KIRREL3: variants seen among roughly 807,000 people sequenced by gnomAD.
KIRREL3 encodes the protein kirre like nephrin family adhesion molecule 3.
Under a neutral mutation model 89.7 loss-of-function variants are expected in KIRREL3, and 36 were observed. That is an observed-to-expected ratio of 0.40 (90% CI 0.31 to 0.53). KIRREL3 has a LOEUF of 0.53. Ranked by LOEUF, KIRREL3 falls within the 20% of genes least tolerant of loss-of-function variation. The pLI is 0.49. For synonymous variants in KIRREL3, 445 were observed against 441.4 expected (o/e 1.01, Z -0.10); for missense variants, 864 against 1,056.6 (o/e 0.82, Z 2.53).
At position 126,526,634 on chromosome 11, in the gene KIRREL3, G is replaced by C. The variant is rs1378138802; in HGVS notation, c.187C>G (p.Gln63Glu). The C allele has an allele frequency of 6.3e-7, 1 of 1,591,450 alleles. No individual in the cohort carries two copies. The highest frequency in any genetic ancestry group is 1.3e-5 in the African/African-American group (1 of 74,552). Residue 63 changes from glutamine to glutamate, a missense_variant, in exon 3 of 17, where the codon CAG becomes GAG. By Grantham distance (29) the Gln-to-Glu change is conservative. Coordinates refer to ENST00000525144, the MANE Select transcript of KIRREL3 (RefSeq NM_032531.4). This position sits in a 1 kb window ranked among gnomAD's most constrained non-coding sequence, Gnocchi z 5.7. ...QPQDQVVVSG[Q>E]PVTLLCAIPE... Reference sequence around the variant, plus strand: ...ATGGCGCAAAGTAGCGTCACTGGCTGTCCCGACACCACCACCTGGTCCTGG... The same window carrying C: ...ATGGCGCAAAGTAGCGTCACTGGCTCTCCCGACACCACCACCTGGTCCTGG...
Position 126,453,286 on chromosome 11 carries a change from G to A in KIRREL3, c.848+3063C>T, listed in dbSNP as rs1360085445. On this transcript the variant is annotated intron_variant, in intron 7 of 16. Transcript: ENST00000525144. The stretch of plus-strand genomic sequence containing the variant: ...GGGGCCACATCCCGCTATCTGCTGG[G>A]GAACACTGAGAGACTCTCAGAGGAA... Among the ~76,000 whole-genome samples, 4 of 152,064 alleles carry A rather than the reference G, an allele frequency of 2.6e-5. No individual in the cohort carries two copies. The South Asian group carries it at 6.2e-4, about 24-fold the overall frequency.
rs1310431843 is a variant in KIRREL3, at chr11:126,455,221, G to A, written c.848+1128C>T. Among the ~76,000 whole-genome samples, 1 of 152,182 alleles carries A rather than the reference G, an allele frequency of 6.6e-6. No individual in the cohort carries two copies. The highest frequency in any genetic ancestry group is 2.4e-5 in the African/African-American group (1 of 41,444). On this transcript the variant is annotated intron_variant, in intron 7 of 16. Transcript: ENST00000525144. The surrounding 1 kb of genome is among the most constrained non-coding windows in gnomAD (Gnocchi z 6.4). ...GTGGAAAGAGACCAGGCTGAGTCAGGGCCATGGCAAGTTCCACGTGGCACC... is the reference window on the plus strand; with the variant it reads ...GTGGAAAGAGACCAGGCTGAGTCAGAGCCATGGCAAGTTCCACGTGGCACC...
In KIRREL3 at chr11:126,912,499, A is replaced by T. The variant is rs975563503; in HGVS notation, c.55+87956T>A. Among the ~76,000 whole-genome samples, 4 of 152,216 alleles carry T rather than the reference A, an allele frequency of 2.6e-5. No individual in the cohort carries two copies. The highest frequency in any genetic ancestry group is 4.4e-5 in the Non-Finnish European group (3 of 68,040). ...CTAAGCACCCCTCACAGTAGGCATC[A>T]ACCAAGAACATATCACACTCACCTA... On this transcript the variant is annotated intron_variant, in intron 1 of 16. Coordinates refer to ENST00000525144, the MANE Select transcript of KIRREL3 (RefSeq NM_032531.4). This position sits in a 1 kb window ranked among gnomAD's most constrained non-coding sequence, Gnocchi z 4.7.
rs1703485110 is a variant in KIRREL3, at chr11:126,891,015, G to A, written c.55+109440C>T. Among the ~76,000 whole-genome samples the A allele has an allele frequency of 6.6e-6, 1 of 152,152 alleles. No individual in the cohort carries two copies. The highest frequency in any genetic ancestry group is 2.1e-4 in the South Asian group (1 of 4,830). On this transcript the variant is annotated intron_variant, in intron 1 of 16. Transcript: ENST00000525144. The surrounding 1 kb of genome is among the most constrained non-coding windows in gnomAD (Gnocchi z 5.1). Reference sequence around the variant, plus strand: ...TTATTTAATGAGGTTTATTGTTTGTGCTTAGTAATTTTCAAAGGCCCATCA... The same window carrying A: ...TTATTTAATGAGGTTTATTGTTTGTACTTAGTAATTTTCAAAGGCCCATCA...
Position 126,972,842 on chromosome 11 carries a change from G to A in KIRREL3, c.55+27613C>T, listed in dbSNP as rs145658690. Among the ~76,000 whole-genome samples the A allele has an allele frequency of 6.4e-4, 97 of 152,074 alleles. 2 individuals carry two copies. The East Asian group carries it at 0.017, about 26-fold the overall frequency. ...ATGGTGCACCTAGCTAAAAACAACT[G>A]CAGAGGAATAAAAAGGAAAAAAAGT... On this transcript the variant is annotated intron_variant, in intron 1 of 16. Transcript: ENST00000525144.
In KIRREL3 at chr11:126,928,568, G is replaced by A. The variant is rs181717604; in HGVS notation, c.55+71887C>T. On this transcript the variant is annotated intron_variant, in intron 1 of 16. Coordinates refer to ENST00000525144, the MANE Select transcript of KIRREL3 (RefSeq NM_032531.4). Reference sequence around the variant, plus strand: ...GGAGGCTGAAGCCTGGGACCCCGACGTGGTGGCGAAAATCAGGGAAAAGGC... The same window carrying A: ...GGAGGCTGAAGCCTGGGACCCCGACATGGTGGCGAAAATCAGGGAAAAGGC... Among the ~76,000 whole-genome samples the A allele has an allele frequency of 1.6e-4, 25 of 152,298 alleles. No homozygotes were observed. In the East Asian group the frequency reaches 4.4e-3, roughly 27 times the overall value.
intron 1 of KIRREL3, among the ~76,000 whole-genome samples, chr11:126,813,653 A>AT (rs372289296): frequency 7.9e-5 from 12 of 152,138 alleles, no homozygotes; most frequent in African/African-American, 2.9e-4. Context: ...AGCACAGATA[A>AT]TTGGTATTGA....
At position 126,803,864 on chromosome 11, in the gene KIRREL3, A is replaced by T. The variant is rs149152137; in HGVS notation, c.55+196591T>A. Among the ~76,000 whole-genome samples the T allele has an allele frequency of 4.5e-3, 679 of 152,376 alleles. 2 individuals are homozygous for T. The highest frequency in any genetic ancestry group is 6.8e-3 in the Non-Finnish European group (466 of 68,032). ...GGGACCTGGGATGCTACTGCCACACATACAACATCTATATCTGTTGCCAAG... is the reference window on the plus strand; with the variant it reads ...GGGACCTGGGATGCTACTGCCACACTTACAACATCTATATCTGTTGCCAAG... On this transcript the variant is annotated intron_variant, in intron 1 of 16. Transcript: ENST00000525144.
chr11:126,451,028 CATGTGTACATGTGT>C (rs1421670386), intron 7 of KIRREL3, among the ~76,000 whole-genome samples: 1 of 136,294 alleles, frequency 7.3e-6, no homozygotes, highest in East Asian at 2.3e-4. Flanking sequence ...TGTCCATGTG[CATGTGTACATGTGT>C]GAGCATGTGC....
In KIRREL3 at chr11:126,918,732, A is replaced by C. The variant is rs907274222; in HGVS notation, c.55+81723T>G. ...ATCAAGGATAGTTCCCCTTTTCAAAATCTTTTCCTGCATTGGATGCCAGGC... is the reference window on the plus strand; with the variant it reads ...ATCAAGGATAGTTCCCCTTTTCAAACTCTTTTCCTGCATTGGATGCCAGGC... On this transcript the variant is annotated intron_variant, in intron 1 of 16. Coordinates refer to ENST00000525144, the MANE Select transcript of KIRREL3 (RefSeq NM_032531.4). This position sits in a 1 kb window ranked among gnomAD's most constrained non-coding sequence, Gnocchi z 6.5. 1.3e-5 allele frequency among the ~76,000 whole-genome samples: 2 copies of C among 152,126 alleles called. No homozygotes were observed. The highest frequency in any genetic ancestry group is 6.5e-5 in the Admixed American group (1 of 15,272).
chr11:126,730,546 G>C (rs533746030), intron 1 of KIRREL3, among the ~76,000 whole-genome samples: 1 of 152,130 alleles, frequency 6.6e-6, no homozygotes, highest in Non-Finnish European at 1.5e-5. Flanking sequence ...CCACCTAGGG[G>C]ACATTTGGCA....
chr11:126,749,200 C>T (rs771196368), intron 1 of KIRREL3, among the ~76,000 whole-genome samples: 13 of 152,172 alleles, frequency 8.5e-5, no homozygotes, highest in Non-Finnish European at 1.8e-4. Context: ...TCCCTCCGTT[C>T]ATTTCGACTG....
intron 1 of KIRREL3, among the ~76,000 whole-genome samples, chr11:126,913,709 C>T (rs920796985): frequency 3.3e-5 from 5 of 152,186 alleles, no homozygotes; most frequent in Non-Finnish European, 7.3e-5. Context: ...TTATCAGAAG[C>T]CCAAAGAATG....
intron 1 of KIRREL3, among the ~76,000 whole-genome samples, chr11:126,784,472 T>C (rs1950421978): frequency 6.6e-6 from 1 of 152,196 alleles, no homozygotes; most frequent in Non-Finnish European, 1.5e-5. Context: ...ATGACTTGGT[T>C]AGAGGCTAGT....
Position 126,527,146 on chromosome 11 carries a change from G to A in KIRREL3, c.134-459C>T, listed in dbSNP as rs1035544582. Among the ~76,000 whole-genome samples the A allele has an allele frequency of 6.6e-6, 1 of 152,164 alleles. No individual in the cohort carries two copies. The highest frequency in any genetic ancestry group is 1.9e-4 in the East Asian group (1 of 5,192). On this transcript the variant is annotated intron_variant, in intron 2 of 16. Coordinates refer to ENST00000525144, the MANE Select transcript of KIRREL3 (RefSeq NM_032531.4). This position sits in a 1 kb window ranked among gnomAD's most constrained non-coding sequence, Gnocchi z 4.2. The stretch of plus-strand genomic sequence containing the variant: ...GGTCGATGGAGAGTGGTGCGGCTTT[G>A]GTTAAACCTGAGAATTCAGGAAATC...
rs1375370324 is a variant in KIRREL3, at chr11:126,571,849, T to A, written c.56-8937A>T. 1.3e-5 allele frequency among the ~76,000 whole-genome samples: 2 copies of A among 152,228 alleles called. No individual in the cohort carries two copies. The highest frequency in any genetic ancestry group is 2.9e-5 in the Non-Finnish European group (2 of 68,040). ...GTGCAAGGATGCCTCAGCCCGTCTCTGATTTAACGTATCTAATTCCAATGA... is the reference window on the plus strand; with the variant it reads ...GTGCAAGGATGCCTCAGCCCGTCTCAGATTTAACGTATCTAATTCCAATGA... On this transcript the variant is annotated intron_variant, in intron 1 of 16. Transcript: ENST00000525144. This position sits in a 1 kb window ranked among gnomAD's most constrained non-coding sequence, Gnocchi z 7.7.
rs1944856911 is a variant in KIRREL3 at position 126,864,534 on chromosome 11, A to G, written c.55+135921T>C. On this transcript the variant is annotated intron_variant, in intron 1 of 16. Transcript: ENST00000525144. Reference sequence around the variant, plus strand: ...CATTGCCCCACTCCTGTTAGCAGCAAATATAAGACTTGGGCTATGTGTCTG... The same window carrying G: ...CATTGCCCCACTCCTGTTAGCAGCAGATATAAGACTTGGGCTATGTGTCTG... Among the ~76,000 whole-genome samples, 4 of 152,176 alleles carry G rather than the reference A, an allele frequency of 2.6e-5. No individual in the cohort carries two copies. In the South Asian group the frequency reaches 8.3e-4, roughly 31 times the overall value.
In KIRREL3 at chr11:126,446,850, A is replaced by C; in HGVS notation, c.1034T>G (p.Leu345Arg). The C allele has an allele frequency of 6.2e-7, 1 of 1,604,032 alleles. No individual in the cohort carries two copies. The highest frequency in any genetic ancestry group is 8.5e-7 in the Non-Finnish European group (1 of 1,175,378). ...GATGGCATCAGAGCCCAGATCCACG[A>C]GCAAGGATTGGGGTTCTGTGGTCAT... ...PRMTTEPQSL[L>R]VDLGSDAIFS... The change falls in exon 9 of 17, where the codon CTC becomes CGC. Residue 345 changes from leucine to arginine, a missense_variant. Transcript: ENST00000525144.
intron 1 of KIRREL3, among the ~76,000 whole-genome samples, chr11:126,700,803 A>C (rs912401964): frequency 1.5e-4 from 23 of 152,088 alleles, no homozygotes; most frequent in African/African-American, 4.8e-4. Context: ...GTGATGGGCA[A>C]ATATCTCTCT....
Sources: allele counts gnomAD v4.1 joint callset (sites outside exome capture counted in the v4.1 genomes callset), GRCh38; gene constraint gnomAD v4.1.1; non-coding constraint Gnocchi (gnomAD v3.1); transcripts MANE v1.5; gene names NCBI Gene and HGNC (gene_info 2026-07-23, HGNC 2026-07-21).